JPH2: variants seen among roughly 807,000 people sequenced by gnomAD.
The protein encoded by JPH2 is junctophilin 2.
Under a neutral mutation model 55.9 loss-of-function variants are expected in JPH2, and 38 were observed. That is an observed-to-expected ratio of 0.68 (90% confidence interval 0.52 to 0.89). JPH2 has a LOEUF of 0.89. Among genes scored for constraint, JPH2 ranks in the 40% least tolerant of loss-of-function variants. The probability of loss-of-function intolerance (pLI) is 0.00; values close to 1 mark genes in which losing one functional copy is unlikely to be tolerated. For synonymous variants in JPH2, 480 were observed against 472.4 expected (o/e 1.02, Z -0.21); for missense variants, 964 against 1,037.6 (o/e 0.93, Z 0.97).
Position 44,160,488 on chromosome 20 carries a change from G to A in JPH2, c.380-81C>T. On this transcript the variant is annotated intron_variant, in intron 1 of 5. Transcript: ENST00000372980. This position sits in a 1 kb window ranked among gnomAD's most constrained non-coding sequence, Gnocchi z 4.9. Reference sequence around the variant, plus strand: ...ACGGTGGCCTGGGAGGGCAAGGGCGGGAGTGGGCAAGGCGGGGTGGGACCG... The same window carrying A: ...ACGGTGGCCTGGGAGGGCAAGGGCGAGAGTGGGCAAGGCGGGGTGGGACCG... 2.7e-6 allele frequency: 4 copies of A among 1,482,778 alleles called. No homozygotes were observed. The highest frequency in any genetic ancestry group is 3.7e-6 in the Non-Finnish European group (4 of 1,085,960). 91.9% of individuals were successfully genotyped at this position (1,482,778 alleles called of 1,614,324 possible).
intron 1 of JPH2, among the ~76,000 whole-genome samples, chr20:44,162,853 G>C (rs1184397913): frequency 7.3e-6 from 1 of 136,572 alleles, no homozygotes; most frequent in African/African-American, 2.8e-5. Context: ...TCTAGAGAAC[G>C]CTGATGAATA....
Position 44,159,630 on chromosome 20 carries a change from ATCTCGGCCT to A in JPH2, c.1148_1156del (p.Lys383_Glu385del), listed in dbSNP as rs2072589790. On this transcript the variant is annotated inframe_deletion, in exon 2 of 6. Transcript: ENST00000372980. The surrounding 1 kb of genome is among the most constrained non-coding windows in gnomAD (Gnocchi z 5.7). ...ACCGCTGTCCTACCTGGAGGCGGCA[ATCTCGGCCT>A]TCTGGCGCGCGATAGCAGCGGCGCG... is the stretch of plus-strand genomic sequence containing the variant. The A allele has an allele frequency of 1.9e-6, 3 of 1,603,558 alleles. No individual in the cohort carries two copies. The highest frequency in any genetic ancestry group is 2.5e-6 in the Non-Finnish European group (3 of 1,179,648).
At chr20:44,157,357 G>A (rs1353621161) in intron 2 of JPH2, among the ~76,000 whole-genome samples, 2 of 152,088 alleles carry the variant, frequency 1.3e-5, no homozygotes, top group Admixed American at 6.5e-5. Flanking sequence ...CCCAACTTGC[G>A]ATGACCTTGA....
Position 44,160,487 on chromosome 20 carries a change from G to T in JPH2, c.380-80C>A. ...CACGGTGGCCTGGGAGGGCAAGGGC[G>T]GGAGTGGGCAAGGCGGGGTGGGACC... On this transcript the variant is annotated intron_variant, in intron 1 of 5. Transcript: ENST00000372980. This position sits in a 1 kb window ranked among gnomAD's most constrained non-coding sequence, Gnocchi z 4.9. 6.7e-7 allele frequency: 1 copy of T among 1,483,186 alleles called. No individual in the cohort carries two copies. Among genetic ancestry groups the T allele is most frequent in the Non-Finnish European group, 9.2e-7 (1 of 1,086,124 alleles). 91.9% of individuals were successfully genotyped at this position (1,483,186 alleles called of 1,614,324 possible). A position where few individuals can be genotyped will look rare whatever the true frequency, so the allele number is the denominator to read the frequency against.
At chr20:44,148,918 T>A (rs1317179156) in intron 2 of JPH2, among the ~76,000 whole-genome samples, 4 of 151,752 alleles carry the variant, frequency 2.6e-5, no homozygotes, top group Non-Finnish European at 5.9e-5. Flanking sequence ...ACAAAAACAA[T>A]TAGCTGGGTG....
rs987507081 is a variant in JPH2, at chr20:44,111,195, C to T, written c.*2323G>A. ...CAACTGGTATCTGAATCACCTCCAT[C>T]CCTTTGGGGTCCCTGGGATCCTCTA... On this transcript the variant is annotated 3_prime_UTR_variant, in exon 6 of 6. Coordinates refer to ENST00000372980, the MANE Select transcript of JPH2 (RefSeq NM_020433.5). Among the ~76,000 whole-genome samples the T allele has an allele frequency of 6.6e-6, 1 of 152,188 alleles. No homozygotes were observed. Among genetic ancestry groups the T allele is most frequent in the Non-Finnish European group, 1.5e-5 (1 of 68,046 alleles).
rs1444195539 is a variant in JPH2 at position 44,109,608 on chromosome 20, G to A, written c.*3910C>T. ...AGGGAGTGGGAACTGGCCTCCATAG[G>A]CATAGTCAGAGTTTTGCACAAAACA... On this transcript the variant is annotated 3_prime_UTR_variant, in exon 6 of 6. Transcript: ENST00000372980. 6.6e-6 allele frequency among the ~76,000 whole-genome samples: 1 copy of A among 152,168 alleles called. No individual in the cohort carries two copies. The highest frequency in any genetic ancestry group is 1.5e-5 in the Non-Finnish European group (1 of 68,038).
intron 1 of JPH2, chr20:44,176,738 G>A: frequency 2.5e-6 from 1 of 400,642 alleles, no homozygotes; most frequent in Non-Finnish European, 3.4e-6. Flanking sequence ...AGGCTGCAGT[G>A]AGCCGTGATT....
chr20:44,116,222 G>A lies in JPH2; in HGVS notation c.1453C>T (p.Pro485Ser). 1 of 1,400,804 alleles carries A rather than the reference G, an allele frequency of 7.1e-7. No individual in the cohort carries two copies. Among genetic ancestry groups the A allele is most frequent in the Non-Finnish European group, 9.2e-7 (1 of 1,088,990 alleles). The allele number at this position is 1,400,804 out of a possible 1,614,324, so 86.8% of individuals were successfully genotyped here. ...TGCGGGGGCGTCCCGGCCGGTGACGGGGAGCCACCCTCGGGCCGAGGGGTC... is the reference window on the plus strand; with the variant it reads ...TGCGGGGGCGTCCCGGCCGGTGACGAGGAGCCACCCTCGGGCCGAGGGGTC... ...RETPRPEGGS[P>S]SPAGTPPQPK... Residue 485 changes from proline (P) to serine (S), a missense_variant, in exon 4 of 6, where the codon CCG (proline) becomes TCG (serine). Transcript: ENST00000372980.
intron 2 of JPH2, among the ~76,000 whole-genome samples, chr20:44,140,353 T>C (rs969890670): frequency 1.7e-4 from 26 of 152,162 alleles, no homozygotes; most frequent in Admixed American, 1.2e-3. Context: ...GAACCTGCTC[T>C]GTGGCATTTC....
intron 1 of JPH2, chr20:44,177,785 T>A: frequency 6.6e-7 from 1 of 1,508,848 alleles, no homozygotes; most frequent in South Asian, 1.3e-5. Context: ...GTTTTTGTCC[T>A]CAAATATCCT....
In JPH2 at chr20:44,109,033, A is replaced by C. The variant is rs1013472319; in HGVS notation, c.*4485T>G. Among the ~76,000 whole-genome samples, 1 of 152,164 alleles carries C rather than the reference A, an allele frequency of 6.6e-6. No individual in the cohort carries two copies. The highest frequency in any genetic ancestry group is 1.9e-4 in the East Asian group (1 of 5,188). On this transcript the variant is annotated 3_prime_UTR_variant, in exon 6 of 6. Transcript: ENST00000372980. Reference sequence around the variant, plus strand: ...TGAATCATCACATCCACTAATATCCAATAGACAAATGTCCCCTGCCACATC... The same window carrying C: ...TGAATCATCACATCCACTAATATCCCATAGACAAATGTCCCCTGCCACATC...
chr20:44,182,661 C>T (rs2072795213), intron 1 of JPH2, among the ~76,000 whole-genome samples: 1 of 152,236 alleles, frequency 6.6e-6, no homozygotes, highest in African/African-American at 2.4e-5. Flanking sequence ...CAGGCTCCTC[C>T]ATCCTCCTTC....
chr20:44,144,978 AATG>A (rs2072483179), intron 2 of JPH2, among the ~76,000 whole-genome samples: 1 of 73,092 alleles, frequency 1.4e-5, no homozygotes, highest in Middle Eastern at 7.0e-3. Flanking sequence ...GAGATGAAGA[AATG>A]GAGGTACAGG....
chr20:44,131,244 G>A (rs2072316440), intron 2 of JPH2, among the ~76,000 whole-genome samples: 2 of 152,164 alleles, frequency 1.3e-5, no homozygotes, highest in Non-Finnish European at 2.9e-5. Context: ...AAGCTGCCAT[G>A]TTGGAGAGGA....
chr20:44,134,801 TTATAAA>T (rs2072392218), intron 2 of JPH2, among the ~76,000 whole-genome samples: 1 of 99,742 alleles, frequency 1.0e-5, no homozygotes. Context: ...TATACATTTA[TTATAAA>T]TATATATAAA....
intron 2 of JPH2, among the ~76,000 whole-genome samples, chr20:44,146,185 T>C (rs529300175): frequency 1.6e-4 from 25 of 152,010 alleles, no homozygotes; most frequent in African/African-American, 5.3e-4. Context: ...AGGCGCCCAC[T>C]GCCACGCCCA....
intron 2 of JPH2, among the ~76,000 whole-genome samples, chr20:44,137,572 C>A (rs1361488920): frequency 2.6e-5 from 4 of 152,222 alleles, no homozygotes; most frequent in African/African-American, 9.6e-5. Flanking sequence ...GGGCTGGCGA[C>A]CCTGCTGTCA....
intron 2 of JPH2, among the ~76,000 whole-genome samples, chr20:44,119,244 G>T (rs1423809179): frequency 6.6e-6 from 1 of 152,130 alleles, no homozygotes; most frequent in Non-Finnish European, 1.5e-5. Flanking sequence ...GTATAGATAA[G>T]CATAAAGGAT....
Sources: gnomAD v4.1 joint callset for allele counts (sites outside exome capture counted in the v4.1 genomes callset) on GRCh38, gnomAD v4.1.1 for gene constraint, Gnocchi (gnomAD v3.1) non-coding constraint, MANE v1.5 for transcripts, NCBI Gene and HGNC (gene_info 2026-07-23, HGNC 2026-07-21) for gene names.